Variants in KIAA1328 observed in about 807,000 individuals in gnomAD.
KIAA1328 encodes the protein protein hinderin.
KIAA1328 carries 52 observed loss-of-function variants against 68.1 expected under a neutral mutation model. That is an observed-to-expected ratio of 0.76 (90% CI 0.61 to 0.96). KIAA1328 has a LOEUF of 0.96. Ranked by LOEUF, KIAA1328 falls within the 40% of genes least tolerant of loss-of-function variation. The pLI, the probability that KIAA1328 is intolerant of heterozygous loss-of-function variation, is 0.00. For synonymous variants in KIAA1328, 232 were observed against 239.4 expected (o/e 0.97, Z 0.28); for missense variants, 641 against 677.6 (o/e 0.95, Z 0.60).
At chr18:37,164,825 T>A (rs1279067950) in intron 8 of KIAA1328, among the ~76,000 whole-genome samples, 1 of 152,196 alleles carries the variant, frequency 6.6e-6, no homozygotes, top group Admixed American at 6.5e-5. Flanking sequence ...TGTCTTGTAT[T>A]CTAATTGAGG....
chr18:36,896,931 T>C (rs551762089), intron 5 of KIAA1328, among the ~76,000 whole-genome samples: 2 of 152,098 alleles, frequency 1.3e-5, no homozygotes, highest in Non-Finnish European at 2.9e-5. Flanking sequence ...AAATTTGTCT[T>C]AGTATTCTTA....
intron 7 of KIAA1328, among the ~76,000 whole-genome samples, chr18:37,071,908 T>A (rs1175568193): frequency 6.6e-6 from 1 of 152,108 alleles, no homozygotes; most frequent in African/African-American, 2.4e-5. Flanking sequence ...TCATTGAGAA[T>A]AGAACAAGAG....
At chr18:36,867,904 G>A (rs866320096) in intron 4 of KIAA1328, among the ~76,000 whole-genome samples, 6 of 152,108 alleles carry the variant, frequency 3.9e-5, no homozygotes, top group Non-Finnish European at 7.4e-5. Flanking sequence ...AGACTTACTG[G>A]TTAGGCCCCA....
At chr18:37,088,597 T>C (rs1392618549) in intron 7 of KIAA1328, among the ~76,000 whole-genome samples, 2 of 152,046 alleles carry the variant, frequency 1.3e-5, no homozygotes, top group African/African-American at 2.4e-5. Context: ...ATACTATTCA[T>C]GTTTATCTGT....
chr18:37,228,624 G>T (rs2060651205), downstream of KIAA1328, among the ~76,000 whole-genome samples: 2 of 152,074 alleles, frequency 1.3e-5, no homozygotes, highest in African/African-American at 4.8e-5. Flanking sequence ...TTCAAGACCA[G>T]CCTGACCAAC....
intron 4 of KIAA1328, among the ~76,000 whole-genome samples, chr18:36,853,593 C>T (rs2047285483): frequency 6.6e-6 from 1 of 152,148 alleles, no homozygotes; most frequent in African/African-American, 2.4e-5. Context: ...TACACAGCTG[C>T]ATCTTCTATC....
intron 5 of KIAA1328, among the ~76,000 whole-genome samples, chr18:36,895,105 T>G (rs2048825744): frequency 6.6e-6 from 1 of 152,188 alleles, no homozygotes; most frequent in South Asian, 2.1e-4. Flanking sequence ...CCCAGTACAT[T>G]TTTAAAAATA....
rs1006216485 is a variant in KIAA1328, at chr18:37,225,219, G to A, written c.*2992G>A. On this transcript the variant is annotated 3_prime_UTR_variant, in exon 10 of 10. Transcript: ENST00000280020. ...GCTAAGAGAGATGGAGGCTGTGGCG[G>A]ACTCCTTCCAACTCACGATTTATCC... The A allele has an allele frequency of 1.0e-6, 1 of 985,320 alleles. No individual in the cohort carries two copies. The highest frequency in any genetic ancestry group is 1.2e-6 in the Non-Finnish European group (1 of 829,940). 61.0% of individuals were successfully genotyped at this position (985,320 alleles called of 1,614,324 possible).
chr18:37,207,674 C>A (rs1187769890), intron 9 of KIAA1328, among the ~76,000 whole-genome samples: 5 of 152,174 alleles, frequency 3.3e-5, no homozygotes, highest in African/African-American at 1.2e-4. Context: ...GTGAGGAATG[C>A]CCTGTGAGGC....
intron 6 of KIAA1328, among the ~76,000 whole-genome samples, chr18:36,966,684 G>T (rs1395913540): frequency 6.6e-6 from 1 of 152,148 alleles, no homozygotes; most frequent in Non-Finnish European, 1.5e-5. Context: ...TATTTCTGTT[G>T]ATTACCAATG....
At chr18:36,897,765 A>G (rs2048911890) in intron 5 of KIAA1328, among the ~76,000 whole-genome samples, 1 of 152,084 alleles carries the variant, frequency 6.6e-6, no homozygotes, top group Non-Finnish European at 1.5e-5. Flanking sequence ...CTTTAATATG[A>G]TAGTGAGCTT....
At chr18:37,098,500 A>C (rs937372613) in intron 7 of KIAA1328, among the ~76,000 whole-genome samples, 2 of 152,200 alleles carry the variant, frequency 1.3e-5, no homozygotes, top group East Asian at 3.9e-4. Flanking sequence ...GGATTTTTGC[A>C]TTGATGTTCA....
At chr18:37,033,942 T>C (rs183287850) in intron 6 of KIAA1328, among the ~76,000 whole-genome samples, 1 of 152,216 alleles carries the variant, frequency 6.6e-6, no homozygotes, top group Non-Finnish European at 1.5e-5. Flanking sequence ...ATAAAATGTC[T>C]GAATATATAA....
At chr18:37,059,121 T>C (rs1378196889) in intron 6 of KIAA1328, among the ~76,000 whole-genome samples, 1 of 152,150 alleles carries the variant, frequency 6.6e-6, no homozygotes, top group East Asian at 1.9e-4. Context: ...GGGAAAGTTG[T>C]ATTGCTTCAT....
At chr18:36,987,431 C>G (rs2052977847) in intron 6 of KIAA1328, among the ~76,000 whole-genome samples, 1 of 145,694 alleles carries the variant, frequency 6.9e-6, no homozygotes, top group South Asian at 2.2e-4. Context: ...CACATGTATA[C>G]ATATGTAACT....
intron 7 of KIAA1328, among the ~76,000 whole-genome samples, chr18:37,120,728 G>A (rs529073960): frequency 6.6e-6 from 1 of 152,202 alleles, no homozygotes; most frequent in African/African-American, 2.4e-5. Context: ...TATTACTACA[G>A]AAATTTTGCT....
intron 7 of KIAA1328, among the ~76,000 whole-genome samples, chr18:37,094,071 C>T (rs984515080): frequency 2.0e-5 from 3 of 152,158 alleles, no homozygotes; most frequent in African/African-American, 7.2e-5. Flanking sequence ...AACTGTTTCA[C>T]CTTAGATCAT....
chr18:37,013,038 C>T (rs1181024770), intron 6 of KIAA1328, among the ~76,000 whole-genome samples: 2 of 152,102 alleles, frequency 1.3e-5, no homozygotes, highest in African/African-American at 4.8e-5. Flanking sequence ...ACGTTAGTAA[C>T]TCCCTGGGTG....
At chr18:36,966,665 A>C (rs1026332390) in intron 6 of KIAA1328, among the ~76,000 whole-genome samples, 2 of 152,242 alleles carry the variant, frequency 1.3e-5, no homozygotes, top group African/African-American at 4.8e-5. Context: ...ATATGTAAAA[A>C]ATCAATTTTA....
Sources: allele counts gnomAD v4.1 joint callset (sites outside exome capture counted in the v4.1 genomes callset), GRCh38; gene constraint gnomAD v4.1.1; transcripts MANE v1.5; gene names NCBI Gene and HGNC (gene_info 2026-07-23, HGNC 2026-07-21).